MAPK14: variants seen among roughly 807,000 people sequenced by gnomAD.
MAPK14 encodes the protein CSAID-binding protein.
MAPK14 carries 16 observed loss-of-function variants against 49.6 expected under a neutral mutation model. The ratio of observed to expected loss-of-function variants is 0.32; its 90% CI spans 0.22 to 0.49. The LOEUF is 0.49. Among genes scored for constraint, MAPK14 ranks in the 20% least tolerant of loss-of-function variants. The pLI, the probability that MAPK14 is intolerant of heterozygous loss-of-function variation, is 0.99. For synonymous variants in MAPK14, 142 were observed against 158.0 expected, an observed-to-expected ratio of 0.90 and a Z score of 0.76; for missense variants, 200 against 441.2, an observed-to-expected ratio of 0.45 and a Z score of 4.90.
chr6:36,098,830 G>A lies in MAPK14; in HGVS notation c.762+2764G>A, dbSNP rs189194771. On this transcript the variant is annotated intron_variant, in intron 9 of 11. Transcript: ENST00000229794. ...TGGCATGAAAAGTATCATTTGTTAT[G>A]TGATTTGTTAAAGGTAACTCTAAAT... 3.3e-3 allele frequency among the ~76,000 whole-genome samples: 495 copies of A among 152,256 alleles called. 2 individuals are homozygous for A. The highest frequency in any genetic ancestry group is 0.011 in the African/African-American group (452 of 41,546).
downstream of MAPK14, among the ~76,000 whole-genome samples, chr6:36,115,717 C>T (rs1052799525): frequency 1.3e-5 from 2 of 152,216 alleles, no homozygotes; most frequent in African/African-American, 4.8e-5. Context: ...CACTCGCCAT[C>T]CTGGCCAACA....
At chr6:36,118,826 G>C in the MAPK14 span, among the ~76,000 whole-genome samples, 1 of 152,272 alleles carries the variant, frequency 6.6e-6, no homozygotes, top group East Asian at 1.9e-4. Context: ...AGTGGCTGCT[G>C]TGCCCTCAAC....
chr6:36,038,539 T>C (rs916114082), intron 1 of MAPK14, among the ~76,000 whole-genome samples: 5 of 152,226 alleles, frequency 3.3e-5, no homozygotes, highest in African/African-American at 1.2e-4. Context: ...AACAGATTAC[T>C]GTGCTCTAGG....
intron 8 of MAPK14, among the ~76,000 whole-genome samples, chr6:36,081,056 T>C (rs1040096826): frequency 1.3e-5 from 2 of 152,208 alleles, no homozygotes; most frequent in Non-Finnish European, 1.5e-5. Flanking sequence ...GGTGGTTCTT[T>C]ATATATCTTA....
intron 8 of MAPK14, among the ~76,000 whole-genome samples, chr6:36,089,784 G>A (rs1765144916): frequency 6.6e-6 from 1 of 152,142 alleles, no homozygotes; most frequent in Admixed American, 6.5e-5. Context: ...TGTCTCTTCA[G>A]GTACAGTACT....
intron 3 of MAPK14, among the ~76,000 whole-genome samples, chr6:36,064,270 G>GCT (rs1562120408): frequency 8.0e-6 from 1 of 124,760 alleles, no homozygotes; most frequent in African/African-American, 3.0e-5. Flanking sequence ...GAGCCACCAT[G>GCT]CCCCCCCCCA....
chr6:36,089,783 A>G (rs1374029807), intron 8 of MAPK14, among the ~76,000 whole-genome samples: 1 of 152,218 alleles, frequency 6.6e-6, no homozygotes, highest in Non-Finnish European at 1.5e-5. Flanking sequence ...ATGTCTCTTC[A>G]GGTACAGTAC....
chr6:36,060,904 A>C (rs114465605), intron 3 of MAPK14, among the ~76,000 whole-genome samples: 1,556 of 152,308 alleles, frequency 0.01, 22 homozygotes, highest in Non-Finnish European at 0.012. Flanking sequence ...TGATCCTGCT[A>C]ATGAAAGTTT....
chr6:36,089,360 A>G lies in MAPK14; in HGVS notation c.683-6627A>G, dbSNP rs1334039115. Among the ~76,000 whole-genome samples, 6 of 152,150 alleles carry G rather than the reference A, an allele frequency of 3.9e-5. No individual in the cohort carries two copies. The East Asian group carries it at 9.6e-4, about 24-fold the overall frequency. Reference sequence around the variant, plus strand: ...ACACATGGACACATGGAGGAGAACAACACACGCTGGGGCCTGTTGGTGGGG... The same window carrying G: ...ACACATGGACACATGGAGGAGAACAGCACACGCTGGGGCCTGTTGGTGGGG... On this transcript the variant is annotated intron_variant, in intron 8 of 11. Transcript: ENST00000229794.
chr6:36,050,224 C>T (rs1763340213), intron 1 of MAPK14, among the ~76,000 whole-genome samples: 1 of 151,956 alleles, frequency 6.6e-6, no homozygotes, highest in African/African-American at 2.4e-5. Flanking sequence ...ATCAGAGAGA[C>T]AGACAGACAG....
In MAPK14 at chr6:36,107,592, T is replaced by C; in HGVS notation, c.979T>C (p.Phe327Leu). ...EPVADPYDQS[F>L]ESRDLLIDEW... ...AGTGGCCGATCCTTATGATCAGTCC[T>C]TTGAAAGCAGGGACCTCCTTATAGA... Residue 327 changes from phenylalanine to leucine, a missense_variant, in exon 11 of 12, where the codon TTT (phenylalanine) becomes CTT (leucine). Coordinates refer to ENST00000229794, the MANE Select transcript of MAPK14 (RefSeq NM_139012.3). The surrounding 1 kb of genome is among the most constrained non-coding windows in gnomAD (Gnocchi z 4.3). 1 of 1,595,820 alleles carries C rather than the reference T, an allele frequency of 6.3e-7. No individual in the cohort carries two copies. Among genetic ancestry groups the C allele is most frequent in the African/African-American group, 1.3e-5 (1 of 74,394 alleles).
chr6:36,120,923 G>A, the MAPK14 span, among the ~76,000 whole-genome samples: 135,048 of 152,224 alleles, frequency 0.89, 60,071 homozygotes, highest in East Asian at 1. Context: ...TAAGACACTC[G>A]TGCCCTCAAG....
intron 8 of MAPK14, among the ~76,000 whole-genome samples, chr6:36,079,087 T>C (rs1364276479): frequency 6.6e-6 from 1 of 152,240 alleles, no homozygotes; most frequent in East Asian, 1.9e-4. Context: ...TGGCTGGTCT[T>C]GAAGATGTTA....
intron 3 of MAPK14, among the ~76,000 whole-genome samples, chr6:36,067,413 G>A (rs1764103482): frequency 6.6e-6 from 1 of 152,064 alleles, no homozygotes; most frequent in South Asian, 2.1e-4. Flanking sequence ...TCCCACTGCT[G>A]CATCCCCAGG....
chr6:36,036,978 C>T (rs1190557686), intron 1 of MAPK14, among the ~76,000 whole-genome samples: 8 of 152,076 alleles, frequency 5.3e-5, no homozygotes, highest in South Asian at 2.1e-4. Flanking sequence ...TGACCTCAAG[C>T]GATCCTCCTG....
intron 1 of MAPK14, among the ~76,000 whole-genome samples, chr6:36,035,689 A>G (rs1334327753): frequency 6.6e-6 from 1 of 152,226 alleles, no homozygotes; most frequent in Non-Finnish European, 1.5e-5. Context: ...CAGTAAACAA[A>G]TGAATGATTA....
intron 1 of MAPK14, among the ~76,000 whole-genome samples, chr6:36,043,752 T>C (rs999243222): frequency 9.2e-5 from 14 of 151,984 alleles, no homozygotes; most frequent in Non-Finnish European, 1.9e-4. Context: ...GGTGTCATGT[T>C]TTTGCAAATT....
At position 36,028,790 on chromosome 6, in the gene MAPK14, CCTT is replaced by C. The variant is rs1422201550; in HGVS notation, c.116+518_116+520del. 6.5e-5 allele frequency among the ~76,000 whole-genome samples: 9 copies of C among 137,480 alleles called. No individual in the cohort carries two copies. Among genetic ancestry groups the C allele is most frequent in the African/African-American group, 2.6e-4 (9 of 35,264 alleles). The allele number at this position is 137,480 out of a possible 152,430, so 90.2% of individuals were successfully genotyped here. On this transcript the variant is annotated intron_variant, in intron 1 of 11. Transcript: ENST00000229794. The surrounding 1 kb of genome is among the most constrained non-coding windows in gnomAD (Gnocchi z 5.1). ...GACCAGGAAGGGAGCTCTCTCCGGG[CCTT>C]TTTTTTTTTTTTTTTTTTTCAAAAC...
In MAPK14 at chr6:36,108,913, TG is replaced by T. The variant is rs555521455; in HGVS notation, c.*467del. ...GGAGAGAAGGCCCATACCTTCTGGT[TG>T]CTTCAGACCTGACACCGTCCCTCAG... is the stretch of plus-strand genomic sequence containing the variant. On this transcript the variant is annotated 3_prime_UTR_variant, in exon 12 of 12. Transcript: ENST00000229794. The T allele has an allele frequency of 4.9e-3, 855 of 173,670 alleles. 3 individuals carry two copies. Among genetic ancestry groups the T allele is most frequent in the Non-Finnish European group, 7.8e-3 (630 of 80,292 alleles). The allele number at this position is 173,670 out of a possible 1,614,324, so 10.8% of individuals were successfully genotyped here.
Sources: allele counts gnomAD v4.1 joint callset (sites outside exome capture counted in the v4.1 genomes callset), GRCh38; gene constraint gnomAD v4.1.1; non-coding constraint Gnocchi (gnomAD v3.1); transcripts MANE v1.5; gene names NCBI Gene and HGNC (gene_info 2026-07-23, HGNC 2026-07-21).